CNTNAP2: variants seen among roughly 807,000 people sequenced by gnomAD.
CNTNAP2 encodes contactin associated protein 2.
In CNTNAP2, 98 loss-of-function variants were observed where a neutral mutation model predicts 155.2. The observed-to-expected ratio is 0.63, with a 90% CI of 0.54 to 0.75. The LOEUF is 0.75. Ranked by LOEUF, CNTNAP2 falls within the 30% of genes least tolerant of loss-of-function variation. The pLI, the probability that CNTNAP2 is intolerant of heterozygous loss-of-function variation, is 0.00. For synonymous variants in CNTNAP2, 651 were observed against 631.2 expected, an observed-to-expected ratio of 1.03 and a Z score of -0.47; for missense variants, 1,727 against 1,688.1, an observed-to-expected ratio of 1.02 and a Z score of -0.40.
intron 1 of CNTNAP2, among the ~76,000 whole-genome samples, chr7:146,217,336 C>G (rs958433501): frequency 3.9e-5 from 6 of 152,290 alleles, no homozygotes; most frequent in African/African-American, 1.2e-4. Flanking sequence ...ATCACATACT[C>G]TTTATGACAA....
At chr7:146,456,540 A>G (rs150165047) in intron 1 of CNTNAP2, among the ~76,000 whole-genome samples, 1 of 152,296 alleles carries the variant, frequency 6.6e-6, no homozygotes, top group East Asian at 1.9e-4. Flanking sequence ...GTTTGCTGTT[A>G]CTGAGAATAG....
At chr7:146,270,494 A>G (rs1441379142) in intron 1 of CNTNAP2, among the ~76,000 whole-genome samples, 2 of 152,200 alleles carry the variant, frequency 1.3e-5, no homozygotes, top group Non-Finnish European at 2.9e-5. Context: ...TGATTAGCCC[A>G]TTCCATTTTA....
intron 1 of CNTNAP2, among the ~76,000 whole-genome samples, chr7:146,548,797 GGTT>G (rs1251957505): frequency 2.7e-5 from 2 of 74,488 alleles, no homozygotes; most frequent in African/African-American, 9.9e-5. Context: ...CCATTCTCTA[GGTT>G]TTTTTTTTTT....
At chr7:147,127,079 A>T (rs73154366) in intron 6 of CNTNAP2, among the ~76,000 whole-genome samples, 2,398 of 152,278 alleles carry the variant, frequency 0.016, 27 homozygotes, top group South Asian at 0.039. Context: ...GTTGGGGAAA[A>T]ATTGTTCAAA....
At chr7:148,323,663 A>G (rs1288422635) in intron 21 of CNTNAP2, among the ~76,000 whole-genome samples, 1 of 152,110 alleles carries the variant, frequency 6.6e-6, no homozygotes, top group Non-Finnish European at 1.5e-5. Flanking sequence ...AATCCACTTT[A>G]CTAAAATCTA....
At chr7:148,037,917 C>A (rs1157162538) in intron 15 of CNTNAP2, among the ~76,000 whole-genome samples, 1 of 152,178 alleles carries the variant, frequency 6.6e-6, no homozygotes, top group Admixed American at 6.5e-5. Flanking sequence ...TGGGATATGA[C>A]CCCATTGTAA....
chr7:146,702,158 G>A (rs886904693), intron 1 of CNTNAP2, among the ~76,000 whole-genome samples: 1 of 152,062 alleles, frequency 6.6e-6, no homozygotes, highest in Non-Finnish European at 1.5e-5. Context: ...ACTAAAGTTG[G>A]TATCCATTTA....
At chr7:146,511,608 T>G (rs752267786) in intron 1 of CNTNAP2, among the ~76,000 whole-genome samples, 8 of 152,236 alleles carry the variant, frequency 5.3e-5, no homozygotes, top group Non-Finnish European at 1.2e-4. Context: ...TGAACCATCT[T>G]TGCATCACTG....
At chr7:146,470,135 G>A (rs749245238) in intron 1 of CNTNAP2, among the ~76,000 whole-genome samples, 15 of 151,966 alleles carry the variant, frequency 9.9e-5, no homozygotes, top group African/African-American at 2.4e-4. Context: ...CACTGCGCGC[G>A]GCCTTAATTG....
At chr7:146,253,794 T>C (rs114390171) in intron 1 of CNTNAP2, among the ~76,000 whole-genome samples, 6,291 of 152,182 alleles carry the variant, frequency 0.041, 400 homozygotes, top group African/African-American at 0.14. Flanking sequence ...TGGTGACTCA[T>C]GCCTTTAATC....
chr7:148,385,507 C>T (rs1186657845), intron 22 of CNTNAP2, among the ~76,000 whole-genome samples: 1 of 152,164 alleles, frequency 6.6e-6, no homozygotes, highest in African/African-American at 2.4e-5. Flanking sequence ...AGGCAGGAGT[C>T]CTTCCGCTGT....
At chr7:148,109,929 T>C (rs536233364) in intron 15 of CNTNAP2, among the ~76,000 whole-genome samples, 4 of 152,330 alleles carry the variant, frequency 2.6e-5, no homozygotes, top group African/African-American at 9.6e-5. Context: ...CCTTGTCTCC[T>C]GCTAAATCAT....
At chr7:147,709,378 C>A (rs531923496) in intron 13 of CNTNAP2, among the ~76,000 whole-genome samples, 1 of 152,188 alleles carries the variant, frequency 6.6e-6, no homozygotes, top group Non-Finnish European at 1.5e-5. Context: ...AATCCTAACT[C>A]CATCTCAGCA....
intron 15 of CNTNAP2, among the ~76,000 whole-genome samples, chr7:148,058,644 C>T (rs1375955355): frequency 6.6e-6 from 1 of 152,082 alleles, no homozygotes; most frequent in Non-Finnish European, 1.5e-5. Flanking sequence ...AGGCGTGTCG[C>T]TTGACTGAGG....
At chr7:148,323,533 A>G (rs1797837676) in intron 21 of CNTNAP2, among the ~76,000 whole-genome samples, 1 of 151,338 alleles carries the variant, frequency 6.6e-6, no homozygotes, top group Admixed American at 6.6e-5. Context: ...ATTGAATTGA[A>G]TTCCTGACAT....
At chr7:148,140,159 C>G (rs1043697495) in intron 16 of CNTNAP2, among the ~76,000 whole-genome samples, 2 of 152,176 alleles carry the variant, frequency 1.3e-5, no homozygotes, top group African/African-American at 4.8e-5. Flanking sequence ...GTCAACCTCT[C>G]TATATAGATT....
intron 19 of CNTNAP2, among the ~76,000 whole-genome samples, chr7:148,220,353 C>T (rs1315830674): frequency 6.6e-6 from 1 of 152,198 alleles, no homozygotes; most frequent in African/African-American, 2.4e-5. Flanking sequence ...CCGCCCGCCT[C>T]GGCCTTCCAA....
rs73740868 is a variant in CNTNAP2 at position 146,786,061 on chromosome 7, G to A, written c.208+11680G>A. On this transcript the variant is annotated intron_variant, in intron 2 of 23. Transcript: ENST00000361727. Reference sequence around the variant, plus strand: ...TTGGGAAGCTCACATCAGCTGGTTGGTGAGTGGCATTGAACAGAGTTCATT... The same window carrying A: ...TTGGGAAGCTCACATCAGCTGGTTGATGAGTGGCATTGAACAGAGTTCATT... Among the ~76,000 whole-genome samples, 251 of 152,284 alleles carry A rather than the reference G, an allele frequency of 1.6e-3. 1 individual carries two copies. The highest frequency in any genetic ancestry group is 5.7e-3 in the African/African-American group (237 of 41,560).
Position 146,304,110 on chromosome 7 carries a change from T to C in CNTNAP2, c.97+187137T>C, listed in dbSNP as rs555190619. On this transcript the variant is annotated intron_variant, in intron 1 of 23. Transcript: ENST00000361727. The stretch of plus-strand genomic sequence containing the variant: ...GCAAACCCTGCTTTTTTTTTTTTTT[T>C]CCATTTGCTTGGTAGATCTTCCTCT... Among the ~76,000 whole-genome samples the C allele has an allele frequency of 1.5e-4, 22 of 150,980 alleles. No homozygotes were observed. In the South Asian group the frequency reaches 4.2e-3, roughly 29 times the overall value.
Sources: allele counts gnomAD v4.1 joint callset (sites outside exome capture counted in the v4.1 genomes callset), GRCh38; gene constraint gnomAD v4.1.1; transcripts MANE v1.5; gene names NCBI Gene and HGNC (gene_info 2026-07-23, HGNC 2026-07-21).